Variants in ALPK2 observed in about 807,000 individuals in gnomAD.
ALPK2 encodes the protein alpha-protein kinase 2.
Under a neutral mutation model 163.1 loss-of-function variants are expected in ALPK2, and 127 were observed. The observed-to-expected ratio is 0.78, with a 90% CI of 0.67 to 0.90. The LOEUF is 0.90. Among genes scored for constraint, ALPK2 ranks in the 40% least tolerant of loss-of-function variants. ALPK2 has a pLI of 0.00. For missense variants in ALPK2, 2,360 were observed against 2,589.6 expected (o/e 0.91, Z 1.92); for synonymous variants, 953 against 959.1 (o/e 0.99, Z 0.12).
intron 3 of ALPK2, among the ~76,000 whole-genome samples, chr18:58,587,974 A>G (rs576383492): frequency 1.3e-5 from 2 of 152,354 alleles, no homozygotes; most frequent in East Asian, 3.9e-4. Flanking sequence ...CCAAATACCC[A>G]AGGCTGAATA....
intron 3 of ALPK2, among the ~76,000 whole-genome samples, chr18:58,601,906 G>A (rs549953013): frequency 1.3e-4 from 20 of 152,286 alleles, no homozygotes; most frequent in Middle Eastern, 3.4e-3. Flanking sequence ...ATCTTAGATC[G>A]GAGAATTCTG....
chr18:58,538,195 T>C lies in ALPK2; in HGVS notation c.1992A>G (p.Thr664=), dbSNP rs916635022. 4 of 1,612,032 alleles carry C rather than the reference T, an allele frequency of 2.5e-6. No individual in the cohort carries two copies. The highest frequency in any genetic ancestry group is 3.4e-6 in the Non-Finnish European group (4 of 1,180,020). Residue 664 remains threonine (T), a synonymous_variant, in exon 5 of 13, where the codon ACA becomes ACG. Coordinates refer to ENST00000361673, the MANE Select transcript of ALPK2 (RefSeq NM_052947.4). ...QVQVQETVRE[T]ISCSQMPAFS... is the part of the protein sequence containing the mutation. ...AAGCTGGCATCTGGCTGCAAGAGAT[T>C]GTCTCTCTGACTGTTTCCTGAACTT...
At chr18:58,545,341 G>T (rs769060282) in intron 4 of ALPK2, 3 of 152,400 alleles carry the variant, frequency 2.0e-5, no homozygotes, top group Non-Finnish European at 4.4e-5. Flanking sequence ...GGGAAGAAGG[G>T]GAAGCCAGGT....
chr18:58,517,110 C>T lies in ALPK2; in HGVS notation c.5738G>A (p.Arg1913His), dbSNP rs778586800. The change falls in exon 9 of 13, where the codon CGC becomes CAC. Residue 1913 changes from arginine (R) to histidine (H), a missense_variant. Coordinates refer to ENST00000361673, the MANE Select transcript of ALPK2 (RefSeq NM_052947.4). Reference sequence around the variant, plus strand: ...CTCCGTGGCGATCTGACCACGCAGGCGGCCCCCAAAGTAGCTGTCATGGAG... The same window carrying T: ...CTCCGTGGCGATCTGACCACGCAGGTGGCCCCCAAAGTAGCTGTCATGGAG... ...DFLHDSYFGG[R>H]LRGQIATEEL... 1.7e-5 allele frequency: 27 copies of T among 1,614,098 alleles called. No individual in the cohort carries two copies. Among genetic ancestry groups the T allele is most frequent in the South Asian group, 3.3e-5 (3 of 91,084 alleles).
intron 1 of ALPK2, among the ~76,000 whole-genome samples, chr18:58,618,401 C>T (rs1052070538): frequency 2.0e-5 from 3 of 152,160 alleles, no homozygotes; most frequent in African/African-American, 7.2e-5. Context: ...TAACAGGTAG[C>T]AGAGTGATGT....
At chr18:58,573,376 G>A (rs35576665) in intron 4 of ALPK2, among the ~76,000 whole-genome samples, 16,861 of 141,986 alleles carry the variant, frequency 0.12, 1,148 homozygotes, top group East Asian at 0.18. Context: ...ATATATATAT[G>A]TGTGTGTATA....
At position 58,517,088 on chromosome 18, in the gene ALPK2, C is replaced by T. The variant is rs762342746; in HGVS notation, c.5760G>A (p.Thr1920=). The change falls in exon 9 of 13, where the codon ACG becomes ACA. Residue 1920 remains threonine (T), a synonymous_variant. Transcript: ENST00000361673. The part of the protein sequence containing the change: ...FGGRLRGQIA[T]EELHFGEGVH... Reference sequence around the variant, plus strand: ...CCCCTTCTCCAAAGTGCAGCTCCTCCGTGGCGATCTGACCACGCAGGCGGC... The same window carrying T: ...CCCCTTCTCCAAAGTGCAGCTCCTCTGTGGCGATCTGACCACGCAGGCGGC... The T allele has an allele frequency of 2.0e-5, 33 of 1,614,112 alleles. No individual in the cohort carries two copies. The highest frequency in any genetic ancestry group is 1.6e-4 in the Middle Eastern group (1 of 6,084).
intron 3 of ALPK2, among the ~76,000 whole-genome samples, chr18:58,594,491 A>G (rs11659233): frequency 0.11 from 16,765 of 152,220 alleles, 1,002 homozygotes; most frequent in East Asian, 0.17. Flanking sequence ...CTGTAAATCT[A>G]TTCTCTGAAA....
At chr18:58,565,383 T>TATA (rs1233358825) in intron 4 of ALPK2, among the ~76,000 whole-genome samples, 1 of 152,250 alleles carries the variant, frequency 6.6e-6, no homozygotes, top group Non-Finnish European at 1.5e-5. Context: ...CCCATTTCCT[T>TATA]ATAATATCAG....
At chr18:58,578,736 A>ACACACACGCGCACGCGCGCGCGCGCG in intron 4 of ALPK2, 78 bp downstream of exon 4, 1 of 760,698 alleles carries the variant, frequency 1.3e-6, no homozygotes, top group Non-Finnish European at 2.0e-6. Context: ...AGGAAGAGAC[A>ACACACACGCGCACGCGCGCGCGCGCG]CACACACACA....
chr18:58,598,994 C>T (rs1252252641), intron 3 of ALPK2, among the ~76,000 whole-genome samples: 3 of 152,130 alleles, frequency 2.0e-5, no homozygotes, highest in African/African-American at 7.2e-5. Context: ...GATTGGTGCA[C>T]CTTTCCCTGA....
Position 58,579,914 on chromosome 18 carries a change from T to C in ALPK2, c.862A>G (p.Ser288Gly). The change falls in exon 4 of 13, where the codon AGT (serine) becomes GGT (glycine). Residue 288 changes from serine (S) to glycine (G), a missense_variant. Ser to Gly is a moderately conservative substitution (Grantham distance 56, BLOSUM62 0). Coordinates refer to ENST00000361673, the MANE Select transcript of ALPK2 (RefSeq NM_052947.4). ...EATAHIYPGD[S>G]AVANKQPSPQ... is the part of the protein sequence containing the mutation. ...CTGGGTTGTTTGTTGGCCACGGCAC[T>C]GTCACCTGGGTAAATGTGTGCAGTT... 6.2e-7 allele frequency: 1 copy of C among 1,614,198 alleles called. No homozygotes were observed.
At chr18:58,483,511 C>G (rs2051322095) in intron 12 of ALPK2, among the ~76,000 whole-genome samples, 2 of 150,002 alleles carry the variant, frequency 1.3e-5, no homozygotes, top group Non-Finnish European at 1.5e-5. Flanking sequence ...CCTCCTTTTT[C>G]TAGATAAGTC....
Position 58,536,408 on chromosome 18 carries a change from T to C in ALPK2, c.3779A>G (p.Lys1260Arg). 1 of 1,614,224 alleles carries C rather than the reference T, an allele frequency of 6.2e-7. No individual in the cohort carries two copies. The highest frequency in any genetic ancestry group is 1.1e-5 in the South Asian group (1 of 91,080). ...PPRQLTNSESKASDGGLIIPD... is the reference protein window; with the variant it reads ...PPRQLTNSESRASDGGLIIPD... ...AATTATGAGACCACCGTCTGATGCC[T>C]TGCTCTCAGAATTTGTCAGTTGTCG... is the stretch of plus-strand genomic sequence containing the variant. Residue 1260 changes from lysine to arginine, a missense_variant, in exon 5 of 13, where the codon AAG becomes AGG. Physicochemically the swap from Lys to Arg is conservative, Grantham distance 26. Transcript: ENST00000361673.
intron 11 of ALPK2, among the ~76,000 whole-genome samples, chr18:58,501,208 A>G (rs916201336): frequency 6.6e-6 from 1 of 152,256 alleles, no homozygotes; most frequent in African/African-American, 2.4e-5. Context: ...GTGATATTCC[A>G]TTACTGTTGT....
At chr18:58,621,407 A>G (rs113610621) in intron 1 of ALPK2, among the ~76,000 whole-genome samples, 11,124 of 151,606 alleles carry the variant, frequency 0.073, 674 homozygotes, top group African/African-American at 0.16. Context: ...CCCGAGCTCG[A>G]ACTACAGGCG....
intron 10 of ALPK2, among the ~76,000 whole-genome samples, chr18:58,509,939 T>C (rs1217710351): frequency 6.6e-6 from 1 of 152,200 alleles, no homozygotes; most frequent in Admixed American, 6.5e-5. Context: ...TTTTGGTGTT[T>C]TAGACATGAA....
intron 10 of ALPK2, among the ~76,000 whole-genome samples, chr18:58,506,688 A>G (rs1602190967): frequency 6.6e-6 from 1 of 152,288 alleles, no homozygotes; most frequent in African/African-American, 2.4e-5. Flanking sequence ...CTGGCTCAAA[A>G]TAAGTGTTTG....
chr18:58,529,993 C>A (rs1207550576), intron 5 of ALPK2, among the ~76,000 whole-genome samples: 1 of 152,180 alleles, frequency 6.6e-6, no homozygotes, highest in African/African-American at 2.4e-5. Context: ...GTGGTCGTAA[C>A]AATTGGGTAG....
Sources: gnomAD v4.1 joint callset for allele counts (sites outside exome capture counted in the v4.1 genomes callset) on GRCh38, gnomAD v4.1.1 for gene constraint, MANE v1.5 for transcripts, NCBI Gene and HGNC (gene_info 2026-07-23, HGNC 2026-07-21) for gene names.